Variants in PLEKHA1 observed in about 807,000 individuals in gnomAD.
PLEKHA1 encodes the protein pleckstrin homology domain containing A1.
PLEKHA1 carries 34 observed loss-of-function variants against 52.0 expected under a neutral mutation model. The ratio of observed to expected loss-of-function variants is 0.65; its 90% CI spans 0.50 to 0.87. The LOEUF is 0.87. PLEKHA1 is among the 40% of genes least tolerant of loss of function. The pLI is 0.00. For missense variants in PLEKHA1, 497 were observed against 504.2 expected (o/e 0.99, Z 0.14); for synonymous variants, 163 against 170.7 (o/e 0.95, Z 0.35).
At chr10:122,392,527 A>G (rs2096790389) in intron 1 of PLEKHA1, among the ~76,000 whole-genome samples, 6 of 152,092 alleles carry the variant, frequency 3.9e-5, no homozygotes, top group Admixed American at 3.9e-4. Context: ...GATTCACTTT[A>G]GTTTTAACAA....
At chr10:122,396,239 A>T (rs2096847672) in intron 2 of PLEKHA1, among the ~76,000 whole-genome samples, 1 of 152,108 alleles carries the variant, frequency 6.6e-6, no homozygotes, top group Non-Finnish European at 1.5e-5. Context: ...AAAAGAAATA[A>T]ATTATTACCC....
At chr10:122,401,054 G>A (rs549915532) in intron 4 of PLEKHA1, among the ~76,000 whole-genome samples, 4 of 152,274 alleles carry the variant, frequency 2.6e-5, no homozygotes, top group South Asian at 2.1e-4. Flanking sequence ...AGATGCTTAC[G>A]TTGGTGGCCA....
intron 7 of PLEKHA1, 35 bp downstream of exon 7, chr10:122,416,037 A>G (rs2097169850): frequency 6.4e-7 from 1 of 1,570,158 alleles, no homozygotes; most frequent in African/African-American, 1.4e-5. Context: ...AAATAATGAA[A>G]AAGGATTACG....
chr10:122,426,853 A>G, intron 10 of PLEKHA1, 89 bp from the exon 11 acceptor site: 1 of 1,155,386 alleles, frequency 8.7e-7, no homozygotes. Context: ...TGATGACAGT[A>G]TTTTAAGTTA....
At chr10:122,428,437 T>C in intron 11 of PLEKHA1, 1 of 1,428,866 alleles carries the variant, frequency 7.0e-7, no homozygotes, top group Non-Finnish European at 9.2e-7. Context: ...TTAACCAAAC[T>C]GCCTTTTGCA....
chr10:122,387,190 T>G (rs2133853950), intron 1 of PLEKHA1: 1 of 152,290 alleles, frequency 6.6e-6, no homozygotes, highest in South Asian at 2.1e-4. Flanking sequence ...TATTATTCCC[T>G]TTCTATTTTG....
chr10:122,407,934 TCA>T (rs1411419943), intron 5 of PLEKHA1, among the ~76,000 whole-genome samples: 7 of 152,234 alleles, frequency 4.6e-5, no homozygotes, highest in African/African-American at 7.2e-5. Flanking sequence ...AAAGCTGTTC[TCA>T]GAGTTTAGTC....
rs767290978 is a variant in PLEKHA1, at chr10:122,429,615, T to G, written c.901-9T>G. 76 of 1,611,340 alleles carry G rather than the reference T, an allele frequency of 4.7e-5. No individual in the cohort carries two copies. In the Admixed American group the frequency reaches 1.1e-3, roughly 23 times the overall value. ...ACTGACCGTGTCTGACTGCCACTCCTTTTTGCAGGAGCATCCCCCCGGTCC... is the reference window on the plus strand; with the variant it reads ...ACTGACCGTGTCTGACTGCCACTCCGTTTTGCAGGAGCATCCCCCCGGTCC... On this transcript the variant is annotated splice_polypyrimidine_tract_variant and intron_variant, in intron 11 of 11. Transcript: ENST00000368990.
At chr10:122,407,910 G>A (rs1330087274) in intron 5 of PLEKHA1, among the ~76,000 whole-genome samples, 1 of 152,100 alleles carries the variant, frequency 6.6e-6, no homozygotes, top group African/African-American at 2.4e-5. Context: ...ACACAATAAA[G>A]AGTCAATATA....
intron 5 of PLEKHA1, among the ~76,000 whole-genome samples, chr10:122,410,319 A>AT (rs2132960425): frequency 6.6e-6 from 1 of 152,342 alleles, no homozygotes; most frequent in Admixed American, 6.5e-5. Context: ...ATGCTGGGAC[A>AT]TAAAAAAGGA....
intron 4 of PLEKHA1, among the ~76,000 whole-genome samples, chr10:122,401,343 G>A (rs896641049): frequency 2.6e-5 from 4 of 152,080 alleles, no homozygotes; most frequent in African/African-American, 7.2e-5. Context: ...TTGTTTTTTT[G>A]TATGCATAGG....
intron 1 of PLEKHA1, among the ~76,000 whole-genome samples, chr10:122,384,502 G>A (rs1389581536): frequency 4.5e-4 from 68 of 151,804 alleles, no homozygotes; most frequent in Admixed American, 4.5e-3. Flanking sequence ...CAGCTGCTCG[G>A]GAGGCTGAGG....
chr10:122,397,919 A>G lies in PLEKHA1; in HGVS notation c.143A>G (p.Asn48Ser). 4 of 1,601,112 alleles carry G rather than the reference A, an allele frequency of 2.5e-6. No individual in the cohort carries two copies. Among genetic ancestry groups the G allele is most frequent in the Non-Finnish European group, 3.4e-6 (4 of 1,169,800 alleles). Residue 48 changes from asparagine to serine, a missense_variant and splice_region_variant, in exon 3 of 12, where the codon AAC becomes AGC. Physicochemically the swap from Asn to Ser is conservative, Grantham distance 46 (BLOSUM62 1). Transcript: ENST00000368990. The stretch of plus-strand genomic sequence containing the variant: ...TATATATTAATACTTTGTTTCTAGA[A>G]CCTACCTTCTGGATCATCACGTGTT... ...SFVWYMDNPQ[N>S]LPSGSSRVGA...
At chr10:122,406,290 A>G (rs573861923) in intron 4 of PLEKHA1, among the ~76,000 whole-genome samples, 8 of 152,312 alleles carry the variant, frequency 5.3e-5, no homozygotes, top group African/African-American at 1.9e-4. Flanking sequence ...TTTCATTGTG[A>G]TATTTTATAT....
At chr10:122,387,349 A>T (rs1462768962) in intron 1 of PLEKHA1, 1 of 152,080 alleles carries the variant, frequency 6.6e-6, no homozygotes, top group South Asian at 2.1e-4. Context: ...AAAATTTTTC[A>T]TTTAGTTAAG....
At chr10:122,404,190 T>C (rs573295710) in intron 4 of PLEKHA1, among the ~76,000 whole-genome samples, 22 of 152,318 alleles carry the variant, frequency 1.4e-4, no homozygotes, top group African/African-American at 5.3e-4. Context: ...AAAGATGATA[T>C]TGCTTGTAAG....
intron 8 of PLEKHA1, chr10:122,418,859 T>G (rs2097217445): frequency 6.6e-6 from 1 of 152,216 alleles, no homozygotes; most frequent in South Asian, 2.1e-4. Flanking sequence ...TTTGTTTGAA[T>G]GAAGTCACCA....
intron 1 of PLEKHA1, among the ~76,000 whole-genome samples, chr10:122,380,976 A>G (rs1057183446): frequency 5.3e-5 from 8 of 152,226 alleles, no homozygotes; most frequent in African/African-American, 1.7e-4. Context: ...ACTCCCAAGC[A>G]TGTGACCTTG....
intron 8 of PLEKHA1, chr10:122,421,663 G>GA (rs1565307295): frequency 6.6e-6 from 1 of 151,762 alleles, no homozygotes; most frequent in Non-Finnish European, 1.5e-5. Flanking sequence ...AAATGGAGGG[G>GA]AAAATACCTG....
Sources: allele counts gnomAD v4.1 joint callset (sites outside exome capture counted in the v4.1 genomes callset), GRCh38; gene constraint gnomAD v4.1.1; transcripts MANE v1.5; gene names NCBI Gene and HGNC (gene_info 2026-07-23, HGNC 2026-07-21).